The following SDK1 variants were observed in gnomAD, a reference collection of about 807,000 sequenced individuals.
SDK1 encodes the protein protein sidekick-1.
In SDK1, 157 loss-of-function variants were observed where a neutral mutation model predicts 245.5. The ratio of observed to expected loss-of-function variants is 0.64; its 90% CI spans 0.56 to 0.73. The LOEUF (loss-of-function observed/expected upper bound fraction) is 0.73, where lower values mean the gene tolerates loss of function less well. Ranked by LOEUF, SDK1 falls within the 30% of genes least tolerant of loss-of-function variation. SDK1 has a pLI of 0.00. For missense variants in SDK1, 3,583 were observed against 3,002.3 expected, an observed-to-expected ratio of 1.19 and a Z score of -4.52; for synonymous variants, 1,647 against 1,278.5, an observed-to-expected ratio of 1.29 and a Z score of -6.15.
chr7:3,985,076 C>G (rs920765746), intron 13 of SDK1, among the ~76,000 whole-genome samples: 3 of 152,186 alleles, frequency 2.0e-5, no homozygotes, highest in Non-Finnish European at 4.4e-5. Flanking sequence ...ACCACTGGCT[C>G]AAAGCCCCAA....
chr7:4,073,110 G>A (rs1780364896), intron 20 of SDK1, among the ~76,000 whole-genome samples: 1 of 152,194 alleles, frequency 6.6e-6, no homozygotes, highest in Admixed American at 6.5e-5. Context: ...GGCAGCCATT[G>A]GGAGCAGGTA....
chr7:3,740,464 C>T (rs1177600129), intron 4 of SDK1, among the ~76,000 whole-genome samples: 19 of 152,106 alleles, frequency 1.2e-4, no homozygotes, highest in Non-Finnish European at 1.5e-5. Flanking sequence ...GATTGTTTGC[C>T]CTAGGGATAG....
intron 5 of SDK1, among the ~76,000 whole-genome samples, chr7:3,935,195 G>A (rs1444571273): frequency 1.3e-5 from 2 of 152,140 alleles, no homozygotes; most frequent in African/African-American, 2.4e-5. Context: ...GGCAGCACCT[G>A]CCACAAAGCC....
chr7:4,118,070 A>T (rs1419334915), intron 25 of SDK1, among the ~76,000 whole-genome samples: 1 of 152,238 alleles, frequency 6.6e-6, no homozygotes, highest in East Asian at 1.9e-4. Flanking sequence ...GAGCAACTAA[A>T]GAAAAAGTAG....
chr7:4,221,243 C>T lies in SDK1; in HGVS notation c.5706C>T (p.Ser1902=). Residue 1902 remains serine (S), a synonymous_variant, in exon 40 of 45, where the codon TCC becomes TCT. Coordinates refer to ENST00000404826, the MANE Select transcript of SDK1 (RefSeq NM_152744.4). The part of the protein sequence containing the change: ...ANITAGPAEG[S]PGSPRDVLVT... ...CTTTTCTTCTTTATCCCGCAGGATCCCCGGGCTCGCCTAGAGATGTCCTGG... is the reference window on the plus strand; with the variant it reads ...CTTTTCTTCTTTATCCCGCAGGATCTCCGGGCTCGCCTAGAGATGTCCTGG... The T allele has an allele frequency of 5.0e-6, 8 of 1,613,428 alleles. No homozygotes were observed. The highest frequency in any genetic ancestry group is 6.8e-6 in the Non-Finnish European group (8 of 1,179,982).
intron 1 of SDK1, among the ~76,000 whole-genome samples, chr7:3,478,897 A>G (rs890323984): frequency 2.0e-5 from 3 of 151,850 alleles, no homozygotes; most frequent in Non-Finnish European, 2.9e-5. Context: ...ATTATTTTTC[A>G]TGTATACTTT....
chr7:3,779,644 A>G (rs1030376726), intron 4 of SDK1, among the ~76,000 whole-genome samples: 7 of 152,202 alleles, frequency 4.6e-5, no homozygotes, highest in Admixed American at 4.6e-4. Flanking sequence ...TAAAGTTAAG[A>G]TGATGAGTCC....
chr7:3,689,665 A>C (rs990146389), intron 4 of SDK1, among the ~76,000 whole-genome samples: 2 of 152,252 alleles, frequency 1.3e-5, no homozygotes, highest in African/African-American at 2.4e-5. Flanking sequence ...ACTAGGCCTC[A>C]GATTTCCTCT....
At chr7:4,223,487 C>G (rs80158859) in intron 40 of SDK1, among the ~76,000 whole-genome samples, 8 of 152,202 alleles carry the variant, frequency 5.3e-5, no homozygotes, top group East Asian at 1.9e-4. Context: ...ACCTCTCCCC[C>G]ACTTCTGGTG....
At chr7:3,454,163 A>C (rs149070082) in intron 1 of SDK1, among the ~76,000 whole-genome samples, 1 of 152,276 alleles carries the variant, frequency 6.6e-6, no homozygotes, top group African/African-American at 2.4e-5. Context: ...CTGCTTACTC[A>C]TTCTATAAAA....
At chr7:3,339,828 G>A (rs949406113) in intron 1 of SDK1, among the ~76,000 whole-genome samples, 4 of 151,990 alleles carry the variant, frequency 2.6e-5, no homozygotes, top group African/African-American at 7.2e-5. Flanking sequence ...CTAGAAAAGA[G>A]CAAAACAAGC....
intron 1 of SDK1, among the ~76,000 whole-genome samples, chr7:3,379,920 A>T (rs1160417395): frequency 6.6e-6 from 1 of 152,170 alleles, no homozygotes; most frequent in East Asian, 1.9e-4. Context: ...GATATTCCCA[A>T]ATCTGAAAAA....
intron 14 of SDK1, among the ~76,000 whole-genome samples, chr7:3,998,823 C>T (rs1472786621): frequency 1.3e-5 from 2 of 152,190 alleles, no homozygotes; most frequent in Non-Finnish European, 2.9e-5. Flanking sequence ...GTCGGCGTCT[C>T]CACTGCCTAG....
At chr7:3,955,139 G>A (rs956560039) in intron 7 of SDK1, among the ~76,000 whole-genome samples, 4 of 152,108 alleles carry the variant, frequency 2.6e-5, no homozygotes, top group East Asian at 3.9e-4. Flanking sequence ...TCGGAAACTC[G>A]GACGGCGAGT....
intron 4 of SDK1, among the ~76,000 whole-genome samples, chr7:3,676,147 T>G (rs755652022): frequency 2.0e-5 from 3 of 151,652 alleles, no homozygotes; most frequent in Non-Finnish European, 4.4e-5. Flanking sequence ...TGTATTTTTT[T>G]GTGGAGACGG....
intron 5 of SDK1, among the ~76,000 whole-genome samples, chr7:3,833,231 C>G (rs1779952269): frequency 6.6e-6 from 1 of 152,166 alleles, no homozygotes; most frequent in African/African-American, 2.4e-5. Flanking sequence ...GGAGTCAGAG[C>G]TGACATAAGT....
chr7:4,124,466 T>G (rs535029935), intron 25 of SDK1, among the ~76,000 whole-genome samples: 1 of 152,290 alleles, frequency 6.6e-6, no homozygotes, highest in East Asian at 1.9e-4. Flanking sequence ...CTCCCTGTTG[T>G]GTGTCTGTGG....
chr7:3,956,394 C>A (rs1781263781), intron 7 of SDK1, among the ~76,000 whole-genome samples: 1 of 152,160 alleles, frequency 6.6e-6, no homozygotes, highest in Non-Finnish European at 1.5e-5. Flanking sequence ...TCCATCTGAG[C>A]AGCCGCTGGG....
In SDK1 at chr7:4,129,979, G is replaced by A. The variant is rs537498277; in HGVS notation, c.4011G>A (p.Ser1337=). The A allele has an allele frequency of 1.2e-5, 20 of 1,613,672 alleles. No homozygotes were observed. Among genetic ancestry groups the A allele is most frequent in the Middle Eastern group, 1.6e-4 (1 of 6,082 alleles). The part of the protein sequence containing the change: ...SHIVRGNHTQ[S]ALLAGLRKFV... ...TCGTGCGAGGGAACCACACGCAGTC[G>A]GCCCTGCTGGCAGGCCTGCGCAAGT... Residue 1337 remains serine, a synonymous_variant, in exon 27 of 45, where the codon TCG becomes TCA. Transcript: ENST00000404826.
Sources: gnomAD v4.1 joint callset for allele counts (sites outside exome capture counted in the v4.1 genomes callset) on GRCh38, gnomAD v4.1.1 for gene constraint, MANE v1.5 for transcripts, NCBI Gene and HGNC (gene_info 2026-07-23, HGNC 2026-07-21) for gene names.